NCALD: variants seen among roughly 807,000 people sequenced by gnomAD.
NCALD encodes neurocalcin delta, also known as neurocalcin-delta.
Under a neutral mutation model 18.6 loss-of-function variants are expected in NCALD, and 10 were observed. The observed-to-expected ratio is 0.54, with a 90% CI of 0.33 to 0.91. The LOEUF (loss-of-function observed/expected upper bound fraction) is 0.91, where lower values mean the gene tolerates loss of function less well. Among genes scored for constraint, NCALD ranks in the 40% least tolerant of loss-of-function variants. NCALD has a pLI of 0.03. For synonymous variants in NCALD, 88 were observed against 87.4 expected, an observed-to-expected ratio of 1.01 and a Z score of -0.04; for missense variants, 184 against 247.6, an observed-to-expected ratio of 0.74 and a Z score of 1.72.
At chr8:102,094,407 TG>T (rs1825023949) in intron 1 of NCALD, among the ~76,000 whole-genome samples, 1 of 152,184 alleles carries the variant, frequency 6.6e-6, no homozygotes, top group African/African-American at 2.4e-5. Flanking sequence ...ATAAGGAAAC[TG>T]AGGACCAGAA....
At chr8:101,794,382 T>C (rs763335161), upstream of NCALD, among the ~76,000 whole-genome samples, 3 of 152,058 alleles carry the variant, frequency 2.0e-5, no homozygotes, top group Non-Finnish European at 2.9e-5. Context: ...TTCCTACTAA[T>C]AGGGAAGAGA....
At chr8:102,066,673 G>A (rs926939878) in intron 1 of NCALD, among the ~76,000 whole-genome samples, 1 of 152,268 alleles carries the variant, frequency 6.6e-6, no homozygotes, top group South Asian at 2.1e-4. Flanking sequence ...ACAGGTTAAC[G>A]TGACTTGGGG....
chr8:101,841,674 ATAAGCTG>A (rs1272081937), intron 4 of NCALD, among the ~76,000 whole-genome samples: 8 of 152,218 alleles, frequency 5.3e-5, no homozygotes, highest in South Asian at 2.1e-4. Flanking sequence ...GTAAGCGTCT[ATAAGCTG>A]TAAGAAAGGC....
At chr8:101,956,836 G>T (rs1819646404) in intron 2 of NCALD, among the ~76,000 whole-genome samples, 1 of 152,152 alleles carries the variant, frequency 6.6e-6, no homozygotes, top group South Asian at 2.1e-4. Flanking sequence ...TGCCCAGCTG[G>T]AAGTATACAA....
At chr8:101,963,706 G>A (rs147726922) in intron 2 of NCALD, among the ~76,000 whole-genome samples, 1 of 152,200 alleles carries the variant, frequency 6.6e-6, no homozygotes, top group Admixed American at 6.5e-5. Context: ...CCTAATAACA[G>A]TGGGTCTAGA....
chr8:101,855,319 C>T (rs893775300), intron 4 of NCALD, among the ~76,000 whole-genome samples: 1 of 152,082 alleles, frequency 6.6e-6, no homozygotes, highest in African/African-American at 2.4e-5. Context: ...ACTTCTAGGC[C>T]AGAGCACTAG....
chr8:101,824,433 G>T (rs1586582783), intron 4 of NCALD, among the ~76,000 whole-genome samples: 1 of 151,992 alleles, frequency 6.6e-6, no homozygotes, highest in South Asian at 2.1e-4. Flanking sequence ...AATAACAACT[G>T]TAGATCTATC....
intron 2 of NCALD, among the ~76,000 whole-genome samples, chr8:101,694,996 T>A (rs1774142072): frequency 6.6e-6 from 1 of 152,146 alleles, no homozygotes; most frequent in South Asian, 2.1e-4. Flanking sequence ...GCTCCCACAG[T>A]GGAAGCTTTT....
In NCALD at chr8:102,090,159, T is replaced by C. The variant is rs183710036; in HGVS notation, c.-210+34078A>G. ...GTGTTTGGCTTTCTTTGGGTTGTAT[T>C]TGCATAAATGTGTTATTGGTATGTG... On this transcript the variant is annotated intron_variant, in intron 1 of 6. Coordinates refer to the NCALD transcript ENST00000311028. Among the ~76,000 whole-genome samples, 8 of 152,334 alleles carry C rather than the reference T, an allele frequency of 5.3e-5. No homozygotes were observed. The East Asian group carries it at 1.5e-3, about 29-fold the overall frequency.
chr8:102,106,466 T>TATATACAC (rs1554598545), intron 1 of NCALD, among the ~76,000 whole-genome samples: 3 of 139,106 alleles, frequency 2.2e-5, no homozygotes, highest in Middle Eastern at 3.6e-3. Flanking sequence ...TATATATATA[T>TATATACAC]ACACACACAC....
At chr8:101,891,992 G>A (rs879100267) in intron 3 of NCALD, among the ~76,000 whole-genome samples, 1 of 152,214 alleles carries the variant, frequency 6.6e-6, no homozygotes, top group Admixed American at 6.5e-5. Flanking sequence ...CAGGAAGCTC[G>A]AACTGGGTGG....
chr8:101,882,429 C>T (rs952037620), intron 4 of NCALD, among the ~76,000 whole-genome samples: 22 of 152,146 alleles, frequency 1.4e-4, no homozygotes, highest in East Asian at 3.9e-4. Context: ...GCACCATCTA[C>T]GAACCAGGAA....
intron 1 of NCALD, among the ~76,000 whole-genome samples, chr8:102,075,804 T>A (rs558698138): frequency 6.6e-6 from 1 of 151,912 alleles, no homozygotes; most frequent in Admixed American, 6.6e-5. Context: ...TACAAAAAAA[T>A]TAGCCAAGCA....
chr8:101,916,464 A>G (rs915656773), intron 2 of NCALD, among the ~76,000 whole-genome samples: 1 of 152,146 alleles, frequency 6.6e-6, no homozygotes, highest in Non-Finnish European at 1.5e-5. Context: ...CAACTACAAA[A>G]TAGAAACTAC....
intron 2 of NCALD, among the ~76,000 whole-genome samples, chr8:101,972,184 G>C (rs948271235): frequency 6.6e-6 from 1 of 152,040 alleles, no homozygotes. Flanking sequence ...TCAAGAACAC[G>C]GAAAAAAATC....
chr8:102,044,448 G>C (rs1190292897), intron 1 of NCALD, among the ~76,000 whole-genome samples: 1 of 149,628 alleles, frequency 6.7e-6, no homozygotes, highest in Non-Finnish European at 1.5e-5. Context: ...GAGTTAGCAA[G>C]CAAGAAGAGA....
intron 2 of NCALD, among the ~76,000 whole-genome samples, chr8:102,008,968 A>ACACACACACACACAC (rs60824028): frequency 2.9e-5 from 4 of 136,202 alleles, no homozygotes; most frequent in African/African-American, 1.1e-4. Flanking sequence ...ACACACACAC[A>ACACACACACACACAC]AGCCCTAAAA....
At chr8:101,886,412 T>G (rs867196651) in intron 4 of NCALD, among the ~76,000 whole-genome samples, 35 of 152,322 alleles carry the variant, frequency 2.3e-4, no homozygotes, top group African/African-American at 7.9e-4. Flanking sequence ...TTCATGACTT[T>G]TTTCCAAACA....
chr8:101,929,462 GAAGA>G (rs1293811999), intron 2 of NCALD, among the ~76,000 whole-genome samples: 3 of 56,436 alleles, frequency 5.3e-5, no homozygotes, highest in Admixed American at 1.6e-4. Flanking sequence ...AGGGAGGAAG[GAAGA>G]AAAGAAGGAA....
Sources: gnomAD v4.1 joint callset for allele counts (sites outside exome capture counted in the v4.1 genomes callset) on GRCh38, gnomAD v4.1.1 for gene constraint, MANE v1.5 for transcripts, NCBI Gene and HGNC (gene_info 2026-07-23, HGNC 2026-07-21) for gene names.